NDUFAF2: variants seen among roughly 807,000 people sequenced by gnomAD.
The protein encoded by NDUFAF2 is NADH dehydrogenase [ubiquinone] 1 alpha subcomplex assembly factor 2.
Under a neutral mutation model 22.8 loss-of-function variants are expected in NDUFAF2, and 13 were observed. The ratio of observed to expected loss-of-function variants is 0.57; its 90% CI spans 0.37 to 0.91. The LOEUF (loss-of-function observed/expected upper bound fraction) is 0.91, where lower values mean the gene tolerates loss of function less well. Among genes scored for constraint, NDUFAF2 ranks in the 40% least tolerant of loss-of-function variants. NDUFAF2 has a pLI of 0.01. For synonymous variants in NDUFAF2, 53 were observed against 64.2 expected, an observed-to-expected ratio of 0.83 and a Z score of 0.84; for missense variants, 162 against 195.2, an observed-to-expected ratio of 0.83 and a Z score of 1.01.
In NDUFAF2 at chr5:61,047,414, GA is replaced by G. The variant is rs952944933; in HGVS notation, c.128-25700del. 4.3e-4 allele frequency among the ~76,000 whole-genome samples: 63 copies of G among 145,198 alleles called. No individual in the cohort carries two copies. The East Asian group carries it at 8.3e-3, about 19-fold the overall frequency. Reference sequence around the variant, plus strand: ...TGCACCTAACCAATTGCCTTGCAGAGAAAAAAAAAAAGTTTAAGTTGATTTG... The same window carrying G: ...TGCACCTAACCAATTGCCTTGCAGAGAAAAAAAAAAGTTTAAGTTGATTTG... On this transcript the variant is annotated intron_variant, in intron 1 of 3. Coordinates refer to ENST00000296597, the MANE Select transcript of NDUFAF2 (RefSeq NM_174889.5).
chr5:60,963,489 A>G (rs1214665262), intron 1 of NDUFAF2, among the ~76,000 whole-genome samples: 1 of 152,098 alleles, frequency 6.6e-6, no homozygotes, highest in African/African-American at 2.4e-5. Context: ...TGCATTTCCC[A>G]TTTGGATTAT....
chr5:61,004,626 G>GATTTAA (rs2112593034), intron 1 of NDUFAF2, among the ~76,000 whole-genome samples: 1 of 152,064 alleles, frequency 6.6e-6, no homozygotes, highest in East Asian at 1.9e-4. Flanking sequence ...TACTATTTTA[G>GATTTAA]GTCTTTGGGA....
At chr5:60,979,962 G>C (rs1436223715) in intron 1 of NDUFAF2, among the ~76,000 whole-genome samples, 1 of 151,802 alleles carries the variant, frequency 6.6e-6, no homozygotes. Flanking sequence ...AGGCAGCTCT[G>C]CACACAGAGA....
At chr5:61,126,302 A>C (rs1424887890) in intron 3 of NDUFAF2, among the ~76,000 whole-genome samples, 1 of 151,962 alleles carries the variant, frequency 6.6e-6, no homozygotes, top group Non-Finnish European at 1.5e-5. Context: ...CTGTCTTCAA[A>C]CTGTTTCTAG....
At chr5:61,044,201 A>ATT (rs199759059) in intron 1 of NDUFAF2, among the ~76,000 whole-genome samples, 1 of 145,474 alleles carries the variant, frequency 6.9e-6, no homozygotes, top group East Asian at 2.0e-4. Flanking sequence ...TAATCAGGTT[A>ATT]TTTTTTTTTT....
chr5:61,143,774 C>T (rs1383643969), intron 3 of NDUFAF2, among the ~76,000 whole-genome samples: 1 of 151,962 alleles, frequency 6.6e-6, no homozygotes, highest in Non-Finnish European at 1.5e-5. Flanking sequence ...CAATGAAGCA[C>T]TGTTGAATTT....
intron 1 of NDUFAF2, among the ~76,000 whole-genome samples, chr5:60,995,514 T>C (rs1320127681): frequency 6.6e-6 from 1 of 152,174 alleles, no homozygotes; most frequent in Non-Finnish European, 1.5e-5. Flanking sequence ...CTCTTCTCTT[T>C]CTCCCAAACA....
chr5:61,034,344 C>A (rs158696), intron 1 of NDUFAF2, among the ~76,000 whole-genome samples: 129,252 of 151,718 alleles, frequency 0.85, 55,471 homozygotes, highest in East Asian at 0.95. Flanking sequence ...GATTATATTT[C>A]CACAAACCAA....
chr5:61,101,788 G>A (rs1225676066), intron 3 of NDUFAF2, among the ~76,000 whole-genome samples: 1 of 152,084 alleles, frequency 6.6e-6, no homozygotes, highest in African/African-American at 2.4e-5. Context: ...CAAGATCTGT[G>A]TACTCAAAAC....
chr5:60,947,587 G>C (rs1037581581), intron 1 of NDUFAF2, among the ~76,000 whole-genome samples: 1 of 151,992 alleles, frequency 6.6e-6, no homozygotes, highest in African/African-American at 2.4e-5. Context: ...CCAACATGGT[G>C]AAACCCCATC....
At chr5:61,109,724 T>C (rs1752811473) in intron 3 of NDUFAF2, among the ~76,000 whole-genome samples, 1 of 152,184 alleles carries the variant, frequency 6.6e-6, no homozygotes, top group Non-Finnish European at 1.5e-5. Context: ...CTGATGGTTT[T>C]ATAAGTGGTA....
intron 2 of NDUFAF2, among the ~76,000 whole-genome samples, chr5:61,076,361 A>T (rs1201461654): frequency 1.3e-5 from 2 of 152,204 alleles, no homozygotes; most frequent in African/African-American, 4.8e-5. Flanking sequence ...GGCGTGAGCC[A>T]CCGCGCCCGG....
chr5:61,146,116 G>A (rs543160558), intron 3 of NDUFAF2: 4 of 152,330 alleles, frequency 2.6e-5, no homozygotes, highest in East Asian at 1.9e-4. Flanking sequence ...AGGGCTGCAC[G>A]TGGTAACAAC....
At chr5:61,020,229 G>A (rs186610091) in intron 1 of NDUFAF2, among the ~76,000 whole-genome samples, 6 of 151,798 alleles carry the variant, frequency 4.0e-5, no homozygotes, top group African/African-American at 4.8e-5. Context: ...TAATTACATC[G>A]TTTTTTATTT....
chr5:61,056,603 T>G (rs1313105241), intron 1 of NDUFAF2, among the ~76,000 whole-genome samples: 1 of 151,926 alleles, frequency 6.6e-6, no homozygotes, highest in Non-Finnish European at 1.5e-5. Context: ...CATATGATGC[T>G]ATGGCTGGGC....
At chr5:61,143,667 T>G (rs1450415175) in intron 3 of NDUFAF2, among the ~76,000 whole-genome samples, 3 of 152,048 alleles carry the variant, frequency 2.0e-5, no homozygotes, top group African/African-American at 7.2e-5. Context: ...TAAGCTATGG[T>G]TTTGTTCCCA....
intron 1 of NDUFAF2, among the ~76,000 whole-genome samples, chr5:60,999,316 A>G (rs181047194): frequency 2.6e-5 from 4 of 152,184 alleles, no homozygotes; most frequent in East Asian, 1.9e-4. Flanking sequence ...AAACAACCCA[A>G]TCATCTATCA....
chr5:60,992,190 G>T (rs910942352), intron 1 of NDUFAF2, among the ~76,000 whole-genome samples: 2 of 152,028 alleles, frequency 1.3e-5, no homozygotes, highest in African/African-American at 4.8e-5. Flanking sequence ...ATATACTCTG[G>T]TTATTAATCC....
chr5:60,968,605 T>C (rs182351), intron 1 of NDUFAF2, among the ~76,000 whole-genome samples: 22,541 of 151,926 alleles, frequency 0.15, 2,132 homozygotes, highest in South Asian at 0.28. Flanking sequence ...ATAGTAAATG[T>C]ATATATGTAT....
Sources: allele counts gnomAD v4.1 joint callset (sites outside exome capture counted in the v4.1 genomes callset), GRCh38; gene constraint gnomAD v4.1.1; transcripts MANE v1.5; gene names NCBI Gene and HGNC (gene_info 2026-07-23, HGNC 2026-07-21).